The following CRB1 variants were observed in gnomAD, a reference collection of about 807,000 sequenced individuals.
CRB1 encodes the protein crumbs cell polarity complex component 1.
In CRB1, 83 loss-of-function variants were observed where a neutral mutation model predicts 120.0. The observed-to-expected ratio is 0.69, with a 90% CI of 0.58 to 0.83. The LOEUF is 0.83. Ranked by LOEUF, CRB1 falls within the 40% of genes least tolerant of loss-of-function variation. The pLI is 0.00. For synonymous variants in CRB1, 625 were observed against 612.5 expected, an observed-to-expected ratio of 1.02 and a Z score of -0.30; for missense variants, 1,699 against 1,687.6, an observed-to-expected ratio of 1.01 and a Z score of -0.12.
chr1:197,407,078 G>A (rs907043666), intron 5 of CRB1, among the ~76,000 whole-genome samples: 9 of 152,142 alleles, frequency 5.9e-5, no homozygotes, highest in African/African-American at 2.2e-4. Flanking sequence ...TAGTAATTAA[G>A]AAGCTAAGTC....
At chr1:197,314,885 A>G (rs1305179998) in intron 1 of CRB1, among the ~76,000 whole-genome samples, 1 of 152,154 alleles carries the variant, frequency 6.6e-6, no homozygotes, top group Non-Finnish European at 1.5e-5. Flanking sequence ...TAGGCCCCTC[A>G]GAGACCCATG....
At chr1:197,355,646 G>A (rs1660431618) in intron 4 of CRB1, among the ~76,000 whole-genome samples, 1 of 152,202 alleles carries the variant, frequency 6.6e-6, no homozygotes, top group Non-Finnish European at 1.5e-5. Flanking sequence ...CGGGTGCTAA[G>A]CCCCTCAATG....
the CRB1 span, among the ~76,000 whole-genome samples, chr1:197,201,971 T>C: frequency 2.0e-5 from 3 of 152,170 alleles, no homozygotes; most frequent in Non-Finnish European, 2.9e-5. Context: ...AGGACAACTT[T>C]TGGAGCTAGT....
chr1:197,365,956 G>A (rs1158641929), intron 5 of CRB1, among the ~76,000 whole-genome samples: 1 of 152,060 alleles, frequency 6.6e-6, no homozygotes, highest in Non-Finnish European at 1.5e-5. Context: ...GAGAAACAGG[G>A]AGAGAGAAGT....
chr1:197,371,792 A>T (rs1661383953), intron 5 of CRB1, among the ~76,000 whole-genome samples: 1 of 152,160 alleles, frequency 6.6e-6, no homozygotes, highest in Admixed American at 6.5e-5. Context: ...TGGGGAATTC[A>T]TCGCTTTTAC....
At chr1:197,372,358 A>G (rs1426951660) in intron 5 of CRB1, among the ~76,000 whole-genome samples, 1 of 152,204 alleles carries the variant, frequency 6.6e-6, no homozygotes, top group Non-Finnish European at 1.5e-5. Flanking sequence ...TGTCATTACC[A>G]ATAATGACAG....
At chr1:197,355,652 C>T (rs1056378526) in intron 4 of CRB1, among the ~76,000 whole-genome samples, 1 of 152,224 alleles carries the variant, frequency 6.6e-6, no homozygotes, top group African/African-American at 2.4e-5. Context: ...CTAAGCCCCT[C>T]AATGCCGTGG....
At chr1:197,302,480 A>T (rs573600865) in intron 1 of CRB1, among the ~76,000 whole-genome samples, 1 of 152,268 alleles carries the variant, frequency 6.6e-6, no homozygotes, top group Admixed American at 6.5e-5. Context: ...AGGTATGCCT[A>T]TATTTGTAAA....
chr1:197,363,914 A>T (rs1486624796), intron 5 of CRB1: 6 of 1,243,246 alleles, frequency 4.8e-6, no homozygotes, highest in Non-Finnish European at 7.1e-6. Flanking sequence ...CTCACTACGG[A>T]TGGGCTCACT....
At chr1:197,223,581 A>G in the CRB1 span, among the ~76,000 whole-genome samples, 21 of 152,210 alleles carry the variant, frequency 1.4e-4, no homozygotes, top group African/African-American at 4.8e-4. Context: ...TTATGGAAAA[A>G]TGCACTGAAT....
intron 1 of CRB1, among the ~76,000 whole-genome samples, chr1:197,284,255 T>C (rs1463358488): frequency 1.3e-5 from 2 of 151,952 alleles, no homozygotes; most frequent in Non-Finnish European, 2.9e-5. Flanking sequence ...GCATGCACAA[T>C]GACAACACAG....
intron 1 of CRB1, among the ~76,000 whole-genome samples, chr1:197,284,814 A>G (rs1038542347): frequency 2.6e-5 from 4 of 151,944 alleles, no homozygotes; most frequent in Non-Finnish European, 4.4e-5. Flanking sequence ...TGTAATTTAA[A>G]AAAATAATAG....
chr1:197,273,168 T>G (rs906202367), intron 1 of CRB1, among the ~76,000 whole-genome samples: 1 of 152,232 alleles, frequency 6.6e-6, no homozygotes, highest in East Asian at 1.9e-4. Context: ...TCCTTGTTTT[T>G]GATGACCTTG....
chr1:197,378,524 C>G (rs562250569), intron 5 of CRB1, among the ~76,000 whole-genome samples: 15 of 152,122 alleles, frequency 9.9e-5, no homozygotes, highest in East Asian at 1.9e-4. Context: ...CTCTATGAAC[C>G]CTTTCCAACA....
At chr1:197,372,807 C>G (rs769052812) in intron 5 of CRB1, among the ~76,000 whole-genome samples, 8 of 151,972 alleles carry the variant, frequency 5.3e-5, no homozygotes, top group African/African-American at 1.9e-4. Flanking sequence ...TCAGGAGCTT[C>G]CATTAGTGGT....
At chr1:197,341,780 T>C (rs1659475445) in intron 2 of CRB1, among the ~76,000 whole-genome samples, 1 of 152,200 alleles carries the variant, frequency 6.6e-6, no homozygotes, top group Non-Finnish European at 1.5e-5. Flanking sequence ...TGAAACCACT[T>C]TCCACACAAT....
intron 4 of CRB1, among the ~76,000 whole-genome samples, chr1:197,354,825 AC>A (rs1558076296): frequency 0.019 from 263 of 14,176 alleles, 5 homozygotes; most frequent in African/African-American, 0.061. Context: ...CCGCCCCCCC[AC>A]CCCCCCCCCC....
At chr1:197,407,132 T>G (rs1663452167) in intron 5 of CRB1, among the ~76,000 whole-genome samples, 1 of 152,218 alleles carries the variant, frequency 6.6e-6, no homozygotes, top group Non-Finnish European at 1.5e-5. Context: ...TTTTTAATCT[T>G]AAGATTGTAC....
At chr1:197,389,222 G>A (rs184267955) in intron 5 of CRB1, among the ~76,000 whole-genome samples, 7 of 152,030 alleles carry the variant, frequency 4.6e-5, no homozygotes, top group South Asian at 2.1e-4. Flanking sequence ...CCTTAAAGAG[G>A]GGCAGCATTA....
Sources: gnomAD v4.1 joint callset for allele counts (sites outside exome capture counted in the v4.1 genomes callset) on GRCh38, gnomAD v4.1.1 for gene constraint, MANE v1.5 for transcripts, NCBI Gene and HGNC (gene_info 2026-07-23, HGNC 2026-07-21) for gene names.